Variants in ZNF652 observed in about 807,000 individuals in gnomAD.
ZNF652 encodes zinc finger protein 652.
A neutral mutation model predicts 45.2 loss-of-function variants in ZNF652; 16 were observed. That is an observed-to-expected ratio of 0.35 (90% CI 0.24 to 0.54). ZNF652 has a LOEUF of 0.54. ZNF652 is among the 20% of genes least tolerant of loss of function. The pLI is 0.91. For synonymous variants in ZNF652, 250 were observed against 260.6 expected (o/e 0.96, Z 0.39); for missense variants, 614 against 765.6 (o/e 0.80, Z 2.34).
intron 1 of ZNF652, among the ~76,000 whole-genome samples, chr17:49,349,421 A>C (rs1027543303): frequency 7.9e-5 from 12 of 152,132 alleles, no homozygotes; most frequent in African/African-American, 2.9e-4. Context: ...AAAACAACAA[A>C]ACAAATGTAA....
intron 1 of ZNF652, among the ~76,000 whole-genome samples, chr17:49,357,890 G>C (rs2070354112): frequency 6.6e-6 from 1 of 152,190 alleles, no homozygotes; most frequent in Non-Finnish European, 1.5e-5. Flanking sequence ...CATTGCACCT[G>C]CAAGACTTAG....
rs1011017313 is a variant in ZNF652 at position 49,293,969 on chromosome 17, G to T, written c.*4444C>A. Reference sequence around the variant, plus strand: ...AGGTTTCTCTAACTTTAGTTTTTTAGTTTTTTTTTAAAACATTAAAACCGA... The same window carrying T: ...AGGTTTCTCTAACTTTAGTTTTTTATTTTTTTTTTAAAACATTAAAACCGA... On this transcript the variant is annotated 3_prime_UTR_variant, in exon 6 of 6. Coordinates refer to ENST00000430262, the MANE Select transcript of ZNF652 (RefSeq NM_001145365.3). Among the ~76,000 whole-genome samples, 3 of 151,066 alleles carry T rather than the reference G, an allele frequency of 2.0e-5. No homozygotes were observed. Among genetic ancestry groups the T allele is most frequent in the South Asian group, 2.1e-4 (1 of 4,780 alleles).
chr17:49,344,343 C>CA (rs1303925689), intron 1 of ZNF652, among the ~76,000 whole-genome samples: 4 of 151,576 alleles, frequency 2.6e-5, no homozygotes, highest in Non-Finnish European at 1.5e-5. Context: ...CTAGCCTGGG[C>CA]AACAGAGTGA....
intron 1 of ZNF652, among the ~76,000 whole-genome samples, chr17:49,359,880 T>C (rs1051457383): frequency 1.4e-4 from 20 of 144,628 alleles, no homozygotes; most frequent in Non-Finnish European, 2.9e-5. Context: ...AAATCCTTTT[T>C]ATGGAGCAGG....
chr17:49,329,748 TTG>T (rs1387051851), intron 1 of ZNF652, among the ~76,000 whole-genome samples: 5 of 152,242 alleles, frequency 3.3e-5, no homozygotes, highest in Admixed American at 3.3e-4. Context: ...GAGACTGCCA[TTG>T]TGTTTCCTCA....
chr17:49,351,014 T>TATATATATATATACATAC (rs2070273379), intron 1 of ZNF652, among the ~76,000 whole-genome samples: 1 of 29,732 alleles, frequency 3.4e-5, no homozygotes, highest in Non-Finnish European at 7.5e-5. Flanking sequence ...TATATATATA[T>TATATATATATATACATAC]ACACACACAC....
At chr17:49,302,177 C>A (rs1039647385) in intron 5 of ZNF652, among the ~76,000 whole-genome samples, 3 of 151,930 alleles carry the variant, frequency 2.0e-5, no homozygotes, top group Admixed American at 2.0e-4. Flanking sequence ...TCACTTCAGC[C>A]TGGGAGGCAG....
intron 1 of ZNF652, among the ~76,000 whole-genome samples, chr17:49,358,872 G>C (rs937949933): frequency 1.3e-5 from 2 of 152,148 alleles, no homozygotes; most frequent in African/African-American, 4.8e-5. Flanking sequence ...AAGAGTGTTG[G>C]AGAAACTAAA....
chr17:49,293,504 G>T lies in ZNF652; in HGVS notation c.*4909C>A, dbSNP rs1335024530. On this transcript the variant is annotated 3_prime_UTR_variant, in exon 6 of 6. Coordinates refer to ENST00000430262, the MANE Select transcript of ZNF652 (RefSeq NM_001145365.3). ...TGGCTTCCATAGAAAGTGTAGAGAG[G>T]ATCTCTGGTTTGCTTTATCGAGGTA... is the stretch of plus-strand genomic sequence containing the variant. 2.0e-5 allele frequency among the ~76,000 whole-genome samples: 3 copies of T among 152,004 alleles called. No individual in the cohort carries two copies. Among genetic ancestry groups the T allele is most frequent in the Non-Finnish European group, 4.4e-5 (3 of 67,996 alleles).
At chr17:49,312,120 C>A in intron 3 of ZNF652, 78 bp from the exon 4 acceptor site, 9 of 734,142 alleles carry the variant, frequency 1.2e-5, no homozygotes, top group Middle Eastern at 3.8e-4. Flanking sequence ...TACTGTAAAG[C>A]AATTAGGCCA....
chr17:49,357,953 G>A (rs1489499673), intron 1 of ZNF652, among the ~76,000 whole-genome samples: 1 of 152,152 alleles, frequency 6.6e-6, no homozygotes, highest in Non-Finnish European at 1.5e-5. Flanking sequence ...CTGCACAAAT[G>A]AAAAAATGCA....
intron 1 of ZNF652, among the ~76,000 whole-genome samples, chr17:49,334,461 G>A (rs1160742895): frequency 6.6e-6 from 1 of 151,960 alleles, no homozygotes; most frequent in Non-Finnish European, 1.5e-5. Flanking sequence ...TCCAGTCTGG[G>A]CAACAGAGTG....
chr17:49,321,002 A>T (rs1335940285), intron 1 of ZNF652, among the ~76,000 whole-genome samples: 2 of 152,140 alleles, frequency 1.3e-5, no homozygotes. Flanking sequence ...GGCGTGAGCC[A>T]CTGCACCCAG....
At chr17:49,342,786 T>C (rs1295898088) in intron 1 of ZNF652, among the ~76,000 whole-genome samples, 4 of 152,152 alleles carry the variant, frequency 2.6e-5, no homozygotes, top group Non-Finnish European at 4.4e-5. Context: ...ATAAAAGTCT[T>C]AGCTATTTGC....
chr17:49,338,524 C>G (rs1483355325), intron 1 of ZNF652, among the ~76,000 whole-genome samples: 2 of 152,164 alleles, frequency 1.3e-5, no homozygotes, highest in Non-Finnish European at 2.9e-5. Context: ...CGTCTTGTTA[C>G]TTGTAAGGAT....
rs1328547971 is a variant in ZNF652, at chr17:49,325,789, G to A, written c.-258-7806C>T. Among the ~76,000 whole-genome samples, 4 of 152,060 alleles carry A rather than the reference G, an allele frequency of 2.6e-5. No individual in the cohort carries two copies. In the South Asian group the frequency reaches 8.3e-4, roughly 32 times the overall value. On this transcript the variant is annotated intron_variant, in intron 1 of 5. Coordinates refer to ENST00000430262, the MANE Select transcript of ZNF652 (RefSeq NM_001145365.3). ...GTGAGCCAAGACTGTGCCACTGCAT[G>A]CTACTGTTTTTATTATGGTTAATTT... is the stretch of plus-strand genomic sequence containing the variant.
At chr17:49,313,237 C>T (rs991236059) in intron 2 of ZNF652, among the ~76,000 whole-genome samples, 1 of 152,136 alleles carries the variant, frequency 6.6e-6, no homozygotes, top group Non-Finnish European at 1.5e-5. Context: ...CTCACTGCAA[C>T]CTCCACCTCC....
chr17:49,299,043 T>G (rs1397540670), intron 5 of ZNF652, 119 bp from the exon 6 acceptor site: 19 of 1,088,956 alleles, frequency 1.7e-5, no homozygotes. Context: ...CTCGAACTCC[T>G]GGCCTCAAGT....
At chr17:49,318,190 G>T (rs899230919) in intron 1 of ZNF652, among the ~76,000 whole-genome samples, 2 of 152,088 alleles carry the variant, frequency 1.3e-5, no homozygotes, top group Non-Finnish European at 2.9e-5. Flanking sequence ...TGATTCCCCT[G>T]CCTAAGCCTC....
Sources: gnomAD v4.1 joint callset for allele counts (sites outside exome capture counted in the v4.1 genomes callset) on GRCh38, gnomAD v4.1.1 for gene constraint, MANE v1.5 for transcripts, NCBI Gene and HGNC (gene_info 2026-07-23, HGNC 2026-07-21) for gene names.